The following COL5A1 variants were observed in gnomAD, a reference collection of about 807,000 sequenced individuals.
The protein encoded by COL5A1 is collagen type V alpha 1 chain.
COL5A1 carries 16 observed loss-of-function variants against 263.7 expected under a neutral mutation model. That is an observed-to-expected ratio of 0.06 (90% CI 0.04 to 0.09). COL5A1 has a LOEUF of 0.09. Among genes scored for constraint, COL5A1 ranks in the 10% least tolerant of loss-of-function variants. The pLI, the probability that COL5A1 is intolerant of heterozygous loss-of-function variation, is 1.00. For synonymous variants in COL5A1, 1,012 were observed against 1,004.5 expected (o/e 1.01, Z -0.14); for missense variants, 2,036 against 2,540.5 (o/e 0.80, Z 4.27).
intron 26 of COL5A1, among the ~76,000 whole-genome samples, 173 bp from the exon 27 acceptor site, chr9:134,774,686 A>G (rs1235467895): frequency 6.6e-6 from 1 of 152,154 alleles, no homozygotes; most frequent in Non-Finnish European, 1.5e-5. Context: ...CTGTCAGTGC[A>G]GGCTGTGAAC....
intron 11 of COL5A1, among the ~76,000 whole-genome samples, chr9:134,747,160 A>C (rs981038188): frequency 6.6e-6 from 1 of 152,018 alleles, no homozygotes; most frequent in Non-Finnish European, 1.5e-5. Flanking sequence ...TCTTCTCCAC[A>C]CTGTCTCCTT....
At position 134,794,349 on chromosome 9, in the gene COL5A1, G is replaced by C. The variant is rs905060083; in HGVS notation, c.2701-733G>C. Among the ~76,000 whole-genome samples the C allele has an allele frequency of 3.6e-4, 54 of 150,442 alleles. No individual in the cohort carries two copies. Among genetic ancestry groups the C allele is most frequent in the Non-Finnish European group, 7.4e-5 (5 of 67,488 alleles). On this transcript the variant is annotated intron_variant, in intron 32 of 65. Transcript: ENST00000371817. This position sits in a 1 kb window ranked among gnomAD's most constrained non-coding sequence, Gnocchi z 4.3. ...AAAAAAAAAAAAAAGAAACAAAAAA[G>C]AAACCAGTCAAGTTCAGGAAGCTGA... is the stretch of plus-strand genomic sequence containing the variant.
rs746511717 is a variant in COL5A1, at chr9:134,789,152, C to T, written c.2647-3C>T. On this transcript the variant is annotated splice_polypyrimidine_tract_variant and splice_region_variant and intron_variant, in intron 31 of 65. Transcript: ENST00000371817. The surrounding 1 kb of genome is among the most constrained non-coding windows in gnomAD (Gnocchi z 4.8). ...GATGCCTCCTCCTTAAACTCTCTTT[C>T]AGGGCTCTATTGGATTCCCTGGATT... 9 of 1,612,890 alleles carry T rather than the reference C, an allele frequency of 5.6e-6. No homozygotes were observed. The highest frequency in any genetic ancestry group is 7.6e-6 in the Non-Finnish European group (9 of 1,179,858).
intron 2 of COL5A1, among the ~76,000 whole-genome samples, chr9:134,692,317 C>T (rs960614151): frequency 2.6e-5 from 4 of 152,134 alleles, no homozygotes; most frequent in African/African-American, 4.8e-5. Context: ...TGGAACTCAT[C>T]GGCTCAGACA....
intron 2 of COL5A1, among the ~76,000 whole-genome samples, chr9:134,693,790 C>T (rs1215316157): frequency 1.3e-5 from 2 of 152,232 alleles, no homozygotes; most frequent in East Asian, 3.9e-4. Flanking sequence ...GACTCAGAAG[C>T]TCACTTCAGG....
intron 57 of COL5A1, 128 bp from the exon 58 acceptor site, chr9:134,819,988 C>T (rs1017079205): frequency 1.3e-6 from 1 of 795,878 alleles, no homozygotes; most frequent in Non-Finnish European, 2.2e-6. Context: ...TGTTCCCCTT[C>T]CAGGGGAGGC....
At chr9:134,679,106 A>G (rs926695060) in intron 1 of COL5A1, among the ~76,000 whole-genome samples, 16 of 152,190 alleles carry the variant, frequency 1.1e-4, no homozygotes, top group Admixed American at 5.9e-4. Context: ...CCCTGCCATC[A>G]GCGCTGGGAA....
chr9:134,828,744 ACACCACG>A (rs1204276102), intron 63 of COL5A1, among the ~76,000 whole-genome samples: 1 of 151,952 alleles, frequency 6.6e-6, no homozygotes, highest in Non-Finnish European at 1.5e-5. Context: ...CAGATACCAC[ACACCACG>A]CACATGATAC....
intron 52 of COL5A1, among the ~76,000 whole-genome samples, chr9:134,816,550 G>A (rs1175863971): frequency 1.3e-5 from 2 of 152,240 alleles, no homozygotes; most frequent in Admixed American, 6.5e-5. Context: ...GGGGGACTGC[G>A]GACCTGAGGG....
chr9:134,801,496 G>GT (rs1436836962), intron 37 of COL5A1, among the ~76,000 whole-genome samples: 2 of 152,226 alleles, frequency 1.3e-5, no homozygotes, highest in East Asian at 3.8e-4. Flanking sequence ...CGTTACCCTC[G>GT]TGAAATTAGT....
At position 134,652,919 on chromosome 9, in the gene COL5A1, C is replaced by A; in HGVS notation, c.109+10623C>A. On this transcript the variant is annotated intron_variant, in intron 1 of 65. Coordinates refer to ENST00000371817, the MANE Select transcript of COL5A1 (RefSeq NM_000093.5). This position sits in a 1 kb window ranked among gnomAD's most constrained non-coding sequence, Gnocchi z 4.4. ...CTGCATTTCTAACGAAGTCAGTTCC[C>A]AGACCACGCGGATGCTGGAGCGTCT... 3.0e-6 allele frequency: 1 copy of A among 331,842 alleles called. No individual in the cohort carries two copies. Among genetic ancestry groups the A allele is most frequent in the Non-Finnish European group, 6.1e-6 (1 of 163,562 alleles). 20.6% of individuals were successfully genotyped at this position (331,842 alleles called of 1,614,324 possible). A position where few individuals can be genotyped will look rare whatever the true frequency, so the allele number is the denominator to read the frequency against.
chr9:134,828,602 A>C (rs1415908586), intron 63 of COL5A1, among the ~76,000 whole-genome samples: 1 of 4,558 alleles, frequency 2.2e-4, no homozygotes, highest in Non-Finnish European at 4.6e-4. Flanking sequence ...CATCACACAG[A>C]TACACACCAT....
At chr9:134,775,469 C>T (rs955488342) in intron 27 of COL5A1, among the ~76,000 whole-genome samples, 5 of 152,218 alleles carry the variant, frequency 3.3e-5, no homozygotes, top group Non-Finnish European at 7.3e-5. Flanking sequence ...TCTGCCATGA[C>T]GGGCTCTGAC....
At chr9:134,802,396 CAG>C (rs1188529788) in intron 38 of COL5A1, among the ~76,000 whole-genome samples, 2 of 152,204 alleles carry the variant, frequency 1.3e-5, no homozygotes, top group Admixed American at 6.5e-5. Flanking sequence ...AGATCAGTGT[CAG>C]GGGCAGCTTA....
chr9:134,669,028 C>A (rs1232645108), intron 1 of COL5A1, among the ~76,000 whole-genome samples: 3 of 139,574 alleles, frequency 2.1e-5, no homozygotes, highest in Non-Finnish European at 3.1e-5. Context: ...TCCCATTTAT[C>A]CATTTACTCA....
chr9:134,822,074 C>G, intron 58 of COL5A1, 23 bp from the exon 59 acceptor site: 1 of 1,612,456 alleles, frequency 6.2e-7, no homozygotes, highest in Non-Finnish European at 8.5e-7. Flanking sequence ...AGGTGATAAC[C>G]TGCATTTTCT....
At chr9:134,801,067 C>T (rs1838094720) in intron 37 of COL5A1, among the ~76,000 whole-genome samples, 1 of 152,240 alleles carries the variant, frequency 6.6e-6, no homozygotes, top group Admixed American at 6.5e-5. Flanking sequence ...GCCTTAAGGT[C>T]ATCTTTCTCC....
chr9:134,728,847 C>G, intron 6 of COL5A1, 40 bp downstream of exon 6: 3 of 1,613,246 alleles, frequency 1.9e-6, no homozygotes, highest in Non-Finnish European at 1.7e-6. Context: ...CTGGGCCCCT[C>G]GAGGCCATGG....
chr9:134,738,443 G>T, intron 9 of COL5A1, 31 bp from the exon 10 acceptor site: 1 of 1,613,812 alleles, frequency 6.2e-7, no homozygotes. Flanking sequence ...GATGGGCTGC[G>T]GTCTCAGACG....
Sources: allele counts gnomAD v4.1 joint callset (sites outside exome capture counted in the v4.1 genomes callset), GRCh38; gene constraint gnomAD v4.1.1; non-coding constraint Gnocchi (gnomAD v3.1); transcripts MANE v1.5; gene names NCBI Gene and HGNC (gene_info 2026-07-23, HGNC 2026-07-21).